The following NCAM1 variants were observed in gnomAD, a reference collection of about 807,000 sequenced individuals.
NCAM1 encodes the protein neural cell adhesion molecule 1, also known as antigen recognized by monoclonal antibody 5.1H11.
A neutral mutation model predicts 109.8 loss-of-function variants in NCAM1; 14 were observed. The observed-to-expected ratio is 0.13, with a 90% confidence interval of 0.08 to 0.20. The LOEUF is 0.20. NCAM1 is among the 10% of genes least tolerant of loss of function. The probability of loss-of-function intolerance (pLI) is 1.00; values close to 1 mark genes in which losing one functional copy is unlikely to be tolerated. For synonymous variants in NCAM1, 418 were observed against 442.9 expected (o/e 0.94, Z 0.70); for missense variants, 774 against 1,109.9 (o/e 0.70, Z 4.30).
At chr11:113,072,455 G>C (rs1384164230) in intron 1 of NCAM1, among the ~76,000 whole-genome samples, 1 of 152,082 alleles carries the variant, frequency 6.6e-6, no homozygotes, top group Non-Finnish European at 1.5e-5. Flanking sequence ...GCATTTTAAA[G>C]GAGACTTTGT....
rs782756579 is a variant in NCAM1, at chr11:113,204,515, CCTT to C, written c.346+20_346+22del. On this transcript the variant is annotated intron_variant, in intron 3 of 19. Coordinates refer to ENST00000316851, the MANE Select transcript of NCAM1 (RefSeq NM_181351.5). ...ACGTGAAGATCTTTCGTAAGAGCCTCCTTCTTCTTCTGCATTCTCTGGCCTCTC... is the reference window on the plus strand; with the variant it reads ...ACGTGAAGATCTTTCGTAAGAGCCTCCTTCTTCTGCATTCTCTGGCCTCTC... 19 of 1,612,414 alleles carry C rather than the reference CCTT, an allele frequency of 1.2e-5. No individual in the cohort carries two copies. The highest frequency in any genetic ancestry group is 1.6e-4 in the Middle Eastern group (1 of 6,080).
chr11:113,034,815 A>T (rs1555078887), intron 1 of NCAM1, among the ~76,000 whole-genome samples: 2 of 152,232 alleles, frequency 1.3e-5, no homozygotes, highest in African/African-American at 4.8e-5. Flanking sequence ...CCCAAACCCC[A>T]GGGATCTAGC....
At chr11:113,104,207 T>TGGG (rs1345382907) in intron 1 of NCAM1, among the ~76,000 whole-genome samples, 7 of 19,278 alleles carry the variant, frequency 3.6e-4, no homozygotes, top group African/African-American at 8.6e-4. Context: ...GGAGGTGGGG[T>TGGG]GGGGGGGGGG....
intron 1 of NCAM1, among the ~76,000 whole-genome samples, chr11:113,061,294 T>G (rs1245098): frequency 0.83 from 126,496 of 152,064 alleles, 52,948 homozygotes; most frequent in African/African-American, 0.92. Context: ...AAATGGTTAA[T>G]TTACTGACCA....
At chr11:113,025,772 G>A (rs6589355) in intron 1 of NCAM1, among the ~76,000 whole-genome samples, 137,342 of 137,456 alleles carry the variant, frequency 1, 68,614 homozygotes, top group Middle Eastern at 1. Flanking sequence ...GAACGACACA[G>A]GGAGCCGAGA....
chr11:113,134,167 ACT>A (rs1443621811), intron 1 of NCAM1, among the ~76,000 whole-genome samples: 5 of 151,818 alleles, frequency 3.3e-5, no homozygotes, highest in Non-Finnish European at 5.9e-5. Flanking sequence ...CCTGGCAAAC[ACT>A]CTTCTACTTT....
chr11:112,973,308 C>T (rs558031084), intron 1 of NCAM1, among the ~76,000 whole-genome samples: 2 of 152,166 alleles, frequency 1.3e-5, no homozygotes, highest in East Asian at 1.9e-4. Context: ...ACCAGTTAAG[C>T]TGCAATTGCT....
chr11:113,104,531 GA>G, intron 1 of NCAM1, among the ~76,000 whole-genome samples: 1 of 152,056 alleles, frequency 6.6e-6, no homozygotes, highest in Non-Finnish European at 1.5e-5. Flanking sequence ...AGACAACCAG[GA>G]TTGACTGCAG....
At chr11:112,991,389 T>C (rs1951452914) in intron 1 of NCAM1, among the ~76,000 whole-genome samples, 1 of 152,194 alleles carries the variant, frequency 6.6e-6, no homozygotes, top group African/African-American at 2.4e-5. Flanking sequence ...GTGATGTGGT[T>C]TATAGGCTAT....
intron 1 of NCAM1, among the ~76,000 whole-genome samples, chr11:113,060,151 G>T (rs1953865494): frequency 6.6e-6 from 1 of 152,172 alleles, no homozygotes; most frequent in African/African-American, 2.4e-5. Flanking sequence ...GATCTTGGTT[G>T]CTTCACTTAA....
At chr11:113,063,005 A>G (rs1464191585) in intron 1 of NCAM1, among the ~76,000 whole-genome samples, 1 of 152,176 alleles carries the variant, frequency 6.6e-6, no homozygotes, top group Non-Finnish European at 1.5e-5. Context: ...GAAGAATGGG[A>G]GGAAGGAATG....
chr11:113,030,023 C>T (rs1208213234), intron 1 of NCAM1, among the ~76,000 whole-genome samples: 2 of 151,486 alleles, frequency 1.3e-5, no homozygotes, highest in African/African-American at 4.9e-5. Context: ...TTCCTACACA[C>T]CTGCTATGTA....
At chr11:113,202,590 T>G in intron 2 of NCAM1, 137 bp downstream of exon 2, 11 of 665,208 alleles carry the variant, frequency 1.7e-5, no homozygotes, top group Non-Finnish European at 2.3e-5. Context: ...ACAGGGTCAA[T>G]AGTATGGCCA....
At chr11:113,178,387 G>A (rs1437912764) in intron 1 of NCAM1, among the ~76,000 whole-genome samples, 1 of 152,162 alleles carries the variant, frequency 6.6e-6, no homozygotes, top group Non-Finnish European at 1.5e-5. Flanking sequence ...CCTGCACAAG[G>A]TCTACCTTTC....
chr11:113,077,964 G>A (rs1938607483), intron 1 of NCAM1, among the ~76,000 whole-genome samples: 1 of 152,140 alleles, frequency 6.6e-6, no homozygotes, highest in South Asian at 2.1e-4. Flanking sequence ...TGGAATTACA[G>A]GCGTGAGCCA....
intron 7 of NCAM1, among the ~76,000 whole-genome samples, chr11:113,213,850 C>T (rs1944454444): frequency 6.6e-6 from 1 of 152,298 alleles, no homozygotes; most frequent in African/African-American, 2.4e-5. Context: ...GCTTTTGTGC[C>T]CCTGACTAAA....
At chr11:113,096,442 T>C (rs1555090447) in intron 1 of NCAM1, among the ~76,000 whole-genome samples, 3 of 152,126 alleles carry the variant, frequency 2.0e-5, no homozygotes, top group Non-Finnish European at 2.9e-5. Flanking sequence ...TTTTGTATGG[T>C]AAAGGTATAC....
At chr11:113,052,802 T>C (rs987034961) in intron 1 of NCAM1, among the ~76,000 whole-genome samples, 19 of 152,156 alleles carry the variant, frequency 1.2e-4, no homozygotes, top group African/African-American at 4.3e-4. Flanking sequence ...CGCCTAGGTA[T>C]TAAGCCCAGC....
chr11:113,155,849 T>C (rs535014161), intron 1 of NCAM1, among the ~76,000 whole-genome samples: 54 of 152,086 alleles, frequency 3.6e-4, no homozygotes, highest in African/African-American at 1.1e-3. Flanking sequence ...TCCTCCACTC[T>C]CCTCCCCATT....
Sources: allele counts gnomAD v4.1 joint callset (sites outside exome capture counted in the v4.1 genomes callset), GRCh38; gene constraint gnomAD v4.1.1; transcripts MANE v1.5; gene names NCBI Gene and HGNC (gene_info 2026-07-23, HGNC 2026-07-21).